Variants in CSMD1 observed in about 807,000 individuals in gnomAD.
The protein encoded by CSMD1 is CUB and Sushi multiple domains 1.
In CSMD1, 213 loss-of-function variants were observed where a neutral mutation model predicts 417.5. The observed-to-expected ratio is 0.51, with a 90% CI of 0.46 to 0.57. The LOEUF (loss-of-function observed/expected upper bound fraction) is 0.57. CSMD1 is among the 20% of genes least tolerant of loss of function. CSMD1 has a pLI of 0.00. For synonymous variants in CSMD1, 2,862 were observed against 1,736.8 expected (o/e 1.65, Z -16.11); for missense variants, 6,923 against 4,529.7 (o/e 1.53, Z -15.17).
Position 4,423,223 on chromosome 8 carries a change from A to G in CSMD1, c.303-3158T>C, listed in dbSNP as rs1440469955. On this transcript the variant is annotated intron_variant, in intron 2 of 69. Coordinates refer to ENST00000635120, the MANE Select transcript of CSMD1 (RefSeq NM_033225.6). ...AATATCCTGCAAATACAATAATACA[A>G]GAAAAGAAAATATATGCGTATGGGT... 2.0e-5 allele frequency among the ~76,000 whole-genome samples: 3 copies of G among 152,104 alleles called. No individual in the cohort carries two copies. The East Asian group carries it at 5.8e-4, about 29-fold the overall frequency.
chr8:4,296,042 G>A (rs113549832), intron 3 of CSMD1, among the ~76,000 whole-genome samples: 1 of 151,860 alleles, frequency 6.6e-6, no homozygotes, highest in Non-Finnish European at 1.5e-5. Context: ...CTGTCTAATT[G>A]CAAAAAAGAC....
intron 30 of CSMD1, 54 bp downstream of exon 30, chr8:3,214,443 G>C (rs1174020004): frequency 1.4e-6 from 2 of 1,385,738 alleles, no homozygotes; most frequent in Non-Finnish European, 1.9e-6. Flanking sequence ...TCAATGAGAT[G>C]CTGCATTTTA....
intron 3 of CSMD1, among the ~76,000 whole-genome samples, chr8:4,396,466 T>C (rs984975938): frequency 6.6e-6 from 1 of 152,030 alleles, no homozygotes; most frequent in Admixed American, 6.6e-5. Flanking sequence ...TGACAGCCAG[T>C]CTCACTCTGC....
At chr8:3,397,162 G>T (rs1439261477) in intron 16 of CSMD1, among the ~76,000 whole-genome samples, 5 of 152,066 alleles carry the variant, frequency 3.3e-5, no homozygotes, top group African/African-American at 1.2e-4. Context: ...TCTGATCCTC[G>T]AAGAGCTAAC....
intron 10 of CSMD1, among the ~76,000 whole-genome samples, chr8:3,572,905 T>C (rs1191829079): frequency 6.6e-6 from 1 of 152,168 alleles, no homozygotes; most frequent in African/African-American, 2.4e-5. Flanking sequence ...CTCAATATCA[T>C]ATGATTTTCT....
At chr8:3,488,712 G>A (rs972640997) in intron 11 of CSMD1, among the ~76,000 whole-genome samples, 2 of 152,088 alleles carry the variant, frequency 1.3e-5, no homozygotes, top group Non-Finnish European at 2.9e-5. Context: ...CCAGATAAGA[G>A]GCCGGGAAAG....
At chr8:3,861,842 G>C (rs1053137393) in intron 5 of CSMD1, among the ~76,000 whole-genome samples, 3 of 152,150 alleles carry the variant, frequency 2.0e-5, no homozygotes, top group Non-Finnish European at 4.4e-5. Flanking sequence ...GAAGCCACTG[G>C]CTTTTAAATG....
intron 5 of CSMD1, among the ~76,000 whole-genome samples, chr8:3,850,928 A>G (rs1015904737): frequency 1.3e-5 from 2 of 152,196 alleles, no homozygotes; most frequent in Admixed American, 1.3e-4. Flanking sequence ...TTTAAAAGAA[A>G]TAAGAATTAC....
At chr8:4,483,216 G>C (rs1801198595) in intron 2 of CSMD1, among the ~76,000 whole-genome samples, 1 of 152,192 alleles carries the variant, frequency 6.6e-6, no homozygotes, top group African/African-American at 2.4e-5. Flanking sequence ...CACCAAGTGA[G>C]AAGTGCCTTT....
intron 3 of CSMD1, among the ~76,000 whole-genome samples, chr8:4,166,660 C>A (rs866313688): frequency 6.6e-6 from 1 of 152,086 alleles, no homozygotes; most frequent in South Asian, 2.1e-4. Flanking sequence ...ACCGTGTACA[C>A]TGCTGGGGTG....
chr8:3,520,518 T>C (rs1408341661), intron 10 of CSMD1, among the ~76,000 whole-genome samples: 1 of 152,220 alleles, frequency 6.6e-6, no homozygotes, highest in African/African-American at 2.4e-5. Flanking sequence ...GTCAATTTTA[T>C]ATCATGTTTT....
chr8:3,263,795 C>A (rs1801248809), intron 26 of CSMD1, among the ~76,000 whole-genome samples: 2 of 152,150 alleles, frequency 1.3e-5, no homozygotes, highest in South Asian at 4.1e-4. Flanking sequence ...TTCTCTGACA[C>A]AAAGACACTA....
chr8:3,827,956 T>C (rs565872999), intron 5 of CSMD1, among the ~76,000 whole-genome samples: 82 of 152,326 alleles, frequency 5.4e-4, no homozygotes, highest in African/African-American at 1.7e-3. Flanking sequence ...TATCCTGACA[T>C]TGCTAACCAA....
At chr8:3,779,078 G>A (rs1799040318) in intron 5 of CSMD1, among the ~76,000 whole-genome samples, 3 of 151,664 alleles carry the variant, frequency 2.0e-5, no homozygotes, top group South Asian at 4.2e-4. Context: ...TCCTCTAAAT[G>A]GAATGTAGGT....
intron 1 of CSMD1, among the ~76,000 whole-genome samples, chr8:4,794,880 G>T (rs1197308986): frequency 6.6e-6 from 1 of 152,162 alleles, no homozygotes; most frequent in Non-Finnish European, 1.5e-5. Context: ...GATGACTGCA[G>T]ATTGCAGGTG....
intron 3 of CSMD1, among the ~76,000 whole-genome samples, chr8:4,152,453 T>C (rs968390402): frequency 6.6e-6 from 1 of 151,984 alleles, no homozygotes; most frequent in Non-Finnish European, 1.5e-5. Context: ...GGCAAGTGGC[T>C]TGCTTGAGCC....
At chr8:4,251,422 C>T (rs189944042) in intron 3 of CSMD1, among the ~76,000 whole-genome samples, 1 of 152,256 alleles carries the variant, frequency 6.6e-6, no homozygotes, top group African/African-American at 2.4e-5. Flanking sequence ...TGAGCAATAA[C>T]ATGAGACAAG....
intron 7 of CSMD1, among the ~76,000 whole-genome samples, chr8:3,624,292 G>C (rs1047907446): frequency 1.3e-5 from 2 of 152,172 alleles, no homozygotes; most frequent in African/African-American, 4.8e-5. Flanking sequence ...TAAGAGGAAA[G>C]AGAAAGACTT....
chr8:4,952,884 A>G (rs1049354759), intron 1 of CSMD1, among the ~76,000 whole-genome samples: 1 of 152,180 alleles, frequency 6.6e-6, no homozygotes, highest in African/African-American at 2.4e-5. Flanking sequence ...TGTTGTTAAC[A>G]AATGTTTTTG....
Sources: allele counts gnomAD v4.1 joint callset (sites outside exome capture counted in the v4.1 genomes callset), GRCh38; gene constraint gnomAD v4.1.1; transcripts MANE v1.5; gene names NCBI Gene and HGNC (gene_info 2026-07-23, HGNC 2026-07-21).